The following CADM2 variants were observed in gnomAD, a reference collection of about 807,000 sequenced individuals.
The protein encoded by CADM2 is immunoglobulin superfamily member 4D.
In CADM2, 12 loss-of-function variants were observed where a neutral mutation model predicts 49.8. The ratio of observed to expected loss-of-function variants is 0.24; its 90% CI spans 0.15 to 0.39. The LOEUF is 0.39. CADM2 is among the 10% of genes least tolerant of loss of function. The pLI is 1.00. For synonymous variants in CADM2, 214 were observed against 175.4 expected, an observed-to-expected ratio of 1.22 and a Z score of -1.74; for missense variants, 378 against 492.3, an observed-to-expected ratio of 0.77 and a Z score of 2.20.
chr3:85,079,899 G>A (rs1333100197), intron 1 of CADM2, among the ~76,000 whole-genome samples: 1 of 151,798 alleles, frequency 6.6e-6, no homozygotes, highest in Non-Finnish European at 1.5e-5. Context: ...GTTTTGGACT[G>A]TGAACTTGAG....
intron 1 of CADM2, among the ~76,000 whole-genome samples, chr3:85,065,813 A>G (rs1044045913): frequency 6.6e-6 from 1 of 152,220 alleles, no homozygotes; most frequent in South Asian, 2.1e-4. Context: ...AGACTCAGAC[A>G]TAGAACTGTA....
chr3:84,988,287 T>G (rs1016325420), intron 1 of CADM2, among the ~76,000 whole-genome samples: 3 of 152,222 alleles, frequency 2.0e-5, no homozygotes, highest in Admixed American at 6.5e-5. Context: ...AGGTGCACAT[T>G]TTTCCTACTT....
chr3:85,407,364 C>T (rs2035433566), intron 1 of CADM2, among the ~76,000 whole-genome samples: 1 of 152,126 alleles, frequency 6.6e-6, no homozygotes, highest in Non-Finnish European at 1.5e-5. Flanking sequence ...TTCTTCATTG[C>T]CCATACCCTA....
chr3:85,639,558 A>T (rs1354392174), intron 1 of CADM2, among the ~76,000 whole-genome samples: 1 of 152,144 alleles, frequency 6.6e-6, no homozygotes, highest in African/African-American at 2.4e-5. Context: ...TGGTACCCGA[A>T]TGTATTCCTT....
chr3:85,302,825 T>TAATA (rs2044131776), intron 1 of CADM2, among the ~76,000 whole-genome samples: 1 of 151,976 alleles, frequency 6.6e-6, no homozygotes, highest in Admixed American at 6.6e-5. Flanking sequence ...CAGACTGCCA[T>TAATA]AATAACTGAA....
intron 7 of CADM2, among the ~76,000 whole-genome samples, chr3:85,937,550 T>A (rs1415104944): frequency 3.9e-5 from 6 of 151,992 alleles, no homozygotes; most frequent in Non-Finnish European, 8.8e-5. Flanking sequence ...TTCTATTATG[T>A]GCTGCTACTT....
chr3:85,420,832 T>C (rs1051886834), intron 1 of CADM2, among the ~76,000 whole-genome samples: 4 of 152,212 alleles, frequency 2.6e-5, no homozygotes, highest in African/African-American at 9.6e-5. Flanking sequence ...ATGCTCATTG[T>C]ACCTATGTTA....
chr3:85,824,171 C>T (rs114862931), intron 3 of CADM2, among the ~76,000 whole-genome samples: 2 of 152,242 alleles, frequency 1.3e-5, no homozygotes, highest in Non-Finnish European at 2.9e-5. Context: ...ATTGTACTCA[C>T]AATGGAGATA....
chr3:85,936,956 A>T (rs1375803013), intron 7 of CADM2, among the ~76,000 whole-genome samples: 1 of 151,786 alleles, frequency 6.6e-6, no homozygotes, highest in Non-Finnish European at 1.5e-5. Flanking sequence ...ATTTGTATAC[A>T]TTTGGATTAT....
chr3:85,217,802 A>G (rs1696696627), intron 1 of CADM2, among the ~76,000 whole-genome samples: 1 of 152,076 alleles, frequency 6.6e-6, no homozygotes, highest in Admixed American at 6.5e-5. Context: ...ATCATGGAAA[A>G]TTATAAAGCA....
At chr3:85,163,900 A>T (rs560844028) in intron 1 of CADM2, among the ~76,000 whole-genome samples, 1 of 152,164 alleles carries the variant, frequency 6.6e-6, no homozygotes, top group Non-Finnish European at 1.5e-5. Context: ...AAACTTCAGA[A>T]CCATTAGTAG....
At chr3:85,326,930 A>C (rs1288390867) in intron 1 of CADM2, among the ~76,000 whole-genome samples, 1 of 151,822 alleles carries the variant, frequency 6.6e-6, no homozygotes, top group Admixed American at 6.6e-5. Flanking sequence ...AAAGTTTTTC[A>C]GAGAAAGATT....
At chr3:85,515,633 T>TATATATATATATA (rs1450614692) in intron 1 of CADM2, among the ~76,000 whole-genome samples, 4 of 121,814 alleles carry the variant, frequency 3.3e-5, no homozygotes, top group African/African-American at 1.5e-4. Context: ...ATATATATAT[T>TATATATATATATA]TTTTTTTTTT....
chr3:85,564,504 T>C (rs764653002), intron 1 of CADM2, among the ~76,000 whole-genome samples: 7 of 152,068 alleles, frequency 4.6e-5, no homozygotes, highest in Non-Finnish European at 1.0e-4. Flanking sequence ...ACTCCTAGGA[T>C]CTATTGCCTG....
At chr3:85,372,776 A>G (rs987776015) in intron 1 of CADM2, among the ~76,000 whole-genome samples, 1 of 152,160 alleles carries the variant, frequency 6.6e-6, no homozygotes, top group Non-Finnish European at 1.5e-5. Context: ...GCAGAAGGTA[A>G]AGGAGGAGCA....
At chr3:85,406,099 A>T (rs1337962738) in intron 1 of CADM2, among the ~76,000 whole-genome samples, 1 of 152,036 alleles carries the variant, frequency 6.6e-6, no homozygotes, top group African/African-American at 2.4e-5. Context: ...TCTTTAAAAT[A>T]TTTGGTTTTA....
At chr3:85,431,735 G>A (rs984180886) in intron 1 of CADM2, among the ~76,000 whole-genome samples, 1 of 150,776 alleles carries the variant, frequency 6.6e-6, no homozygotes, top group Non-Finnish European at 1.5e-5. Context: ...AGTCAGAAGG[G>A]GTTGTAGGTG....
At chr3:85,684,675 A>T (rs7646697) in intron 1 of CADM2, among the ~76,000 whole-genome samples, 5,539 of 152,240 alleles carry the variant, frequency 0.036, 318 homozygotes, top group African/African-American at 0.13. Context: ...CATTTAAGAG[A>T]TATGATAATG....
intron 1 of CADM2, among the ~76,000 whole-genome samples, chr3:85,172,823 A>T (rs2040663028): frequency 6.8e-6 from 1 of 147,412 alleles, no homozygotes; most frequent in African/African-American, 2.5e-5. Context: ...AACTATGCAG[A>T]TTATATATAA....
Sources: gnomAD v4.1 joint callset for allele counts (sites outside exome capture counted in the v4.1 genomes callset) on GRCh38, gnomAD v4.1.1 for gene constraint, MANE v1.5 for transcripts, NCBI Gene and HGNC (gene_info 2026-07-23, HGNC 2026-07-21) for gene names.